Variants in PSD3 observed in about 807,000 individuals in gnomAD.
PSD3 encodes pleckstrin and Sec7 domain containing 3, also known as PH and SEC7 domain-containing protein 3.
PSD3 carries 49 observed loss-of-function variants against 105.5 expected under a neutral mutation model. The ratio of observed to expected loss-of-function variants is 0.46; its 90% CI spans 0.37 to 0.59. The LOEUF (loss-of-function observed/expected upper bound fraction) is 0.59. Ranked by LOEUF, PSD3 falls within the 20% of genes least tolerant of loss-of-function variation. PSD3 has a pLI of 0.00. For synonymous variants in PSD3, 557 were observed against 457.8 expected (o/e 1.22, Z -2.77); for missense variants, 1,561 against 1,263.8 (o/e 1.24, Z -3.57).
intron 4 of PSD3, among the ~76,000 whole-genome samples, chr8:18,818,668 T>C (rs561201079): frequency 7.3e-5 from 11 of 149,790 alleles, no homozygotes; most frequent in Non-Finnish European, 1.3e-4. Flanking sequence ...ATTTAGTGAA[T>C]AATGTCCTCT....
chr8:18,613,782 A>C (rs57616165), intron 11 of PSD3, among the ~76,000 whole-genome samples: 1 of 152,114 alleles, frequency 6.6e-6, no homozygotes, highest in Non-Finnish European at 1.5e-5. Context: ...CTTGCAAAAC[A>C]ACCCAGTACC....
At chr8:18,805,924 C>G (rs1586070554) in intron 4 of PSD3, among the ~76,000 whole-genome samples, 1 of 152,088 alleles carries the variant, frequency 6.6e-6, no homozygotes, top group African/African-American at 2.4e-5. Flanking sequence ...TTGCCAATAA[C>G]CATAGTTTGT....
At chr8:18,954,609 T>A (rs1823446589) in intron 1 of PSD3, among the ~76,000 whole-genome samples, 1 of 152,140 alleles carries the variant, frequency 6.6e-6, no homozygotes, top group Non-Finnish European at 1.5e-5. Flanking sequence ...ACACTGTCTA[T>A]CATATTCCAA....
intron 8 of PSD3, among the ~76,000 whole-genome samples, chr8:18,792,686 G>C (rs1024513859): frequency 6.6e-6 from 1 of 152,176 alleles, no homozygotes; most frequent in Non-Finnish European, 1.5e-5. Flanking sequence ...ACAGGTGCTG[G>C]AGAGGATGTG....
At chr8:18,746,737 C>T (rs1364488596) in intron 9 of PSD3, among the ~76,000 whole-genome samples, 5 of 152,128 alleles carry the variant, frequency 3.3e-5, no homozygotes, top group Non-Finnish European at 7.4e-5. Flanking sequence ...TTTTCCATTC[C>T]CTTTAGTGTA....
At chr8:18,788,410 C>T (rs536868041) in intron 8 of PSD3, among the ~76,000 whole-genome samples, 45 of 152,248 alleles carry the variant, frequency 3.0e-4, no homozygotes, top group Admixed American at 2.0e-3. Flanking sequence ...AATCTTTGAG[C>T]GTGCCATCCC....
Position 18,816,382 on chromosome 8 carries a change from T to C in PSD3, c.1635-11484A>G, listed in dbSNP as rs1013013848. The stretch of plus-strand genomic sequence containing the variant: ...CTGCCAGCAGGAGGTAAAGCTGGGA[T>C]TGGGGCTCAGCAATGGCGGCTGCAG... On this transcript the variant is annotated intron_variant, in intron 4 of 15. Transcript: ENST00000327040. 3.9e-5 allele frequency among the ~76,000 whole-genome samples: 6 copies of C among 152,176 alleles called. 1 individual carries two copies. The highest frequency in any genetic ancestry group is 3.3e-4 in the Admixed American group (5 of 15,268).
intron 1 of PSD3, among the ~76,000 whole-genome samples, chr8:18,986,197 A>G (rs1005180941): frequency 3.3e-5 from 5 of 152,218 alleles, no homozygotes; most frequent in African/African-American, 9.7e-5. Context: ...GATTAACAGT[A>G]GAGGTCCCTG....
At chr8:18,952,658 G>C (rs1174465589) in intron 1 of PSD3, among the ~76,000 whole-genome samples, 2 of 152,138 alleles carry the variant, frequency 1.3e-5, no homozygotes, top group African/African-American at 2.4e-5. Context: ...CCATTATTTA[G>C]AGCACAATAA....
At chr8:18,981,618 G>A (rs1409676510) in intron 1 of PSD3, among the ~76,000 whole-genome samples, 2 of 151,900 alleles carry the variant, frequency 1.3e-5, no homozygotes. Context: ...CAACAATACA[G>A]TGAATATCAC....
intron 4 of PSD3, among the ~76,000 whole-genome samples, chr8:18,837,574 G>C (rs1187682729): frequency 6.6e-6 from 1 of 152,124 alleles, no homozygotes; most frequent in Non-Finnish European, 1.5e-5. Context: ...AAACCATTTA[G>C]TTCTTGATGT....
chr8:18,637,875 G>A (rs1177291112), intron 10 of PSD3, among the ~76,000 whole-genome samples: 1 of 152,010 alleles, frequency 6.6e-6, no homozygotes, highest in East Asian at 1.9e-4. Context: ...ATTCAGTACT[G>A]GGCCCAGCAT....
chr8:18,671,923 G>T (rs541088976), intron 9 of PSD3, among the ~76,000 whole-genome samples: 22 of 152,232 alleles, frequency 1.4e-4, no homozygotes, highest in Non-Finnish European at 3.1e-4. Flanking sequence ...GAGCCACTGC[G>T]CCGGGCCTGA....
intron 1 of PSD3, among the ~76,000 whole-genome samples, chr8:19,006,203 G>C (rs1826672207): frequency 6.8e-6 from 1 of 147,656 alleles, no homozygotes; most frequent in African/African-American, 2.5e-5. Flanking sequence ...GGAGGGAGGA[G>C]AATCACTTGA....
chr8:18,630,399 C>T (rs966710403), intron 11 of PSD3, among the ~76,000 whole-genome samples: 7 of 151,862 alleles, frequency 4.6e-5, no homozygotes, highest in East Asian at 3.9e-4. Context: ...AGCTTCTACC[C>T]GGAGAATCCT....
intron 15 of PSD3, among the ~76,000 whole-genome samples, chr8:18,551,330 G>C (rs1039949692): frequency 3.3e-5 from 5 of 152,102 alleles, no homozygotes; most frequent in African/African-American, 7.2e-5. Flanking sequence ...TAAAATGAAA[G>C]GTTTACTATC....
chr8:19,024,844 T>C (rs1406859201), intron 1 of PSD3, among the ~76,000 whole-genome samples: 2 of 152,046 alleles, frequency 1.3e-5, no homozygotes, highest in Non-Finnish European at 2.9e-5. Flanking sequence ...GCATCCCCAG[T>C]CCCCTGTCCT....
intron 12 of PSD3, among the ~76,000 whole-genome samples, chr8:18,593,788 G>C (rs1422259388): frequency 6.6e-6 from 1 of 151,868 alleles, no homozygotes; most frequent in African/African-American, 2.4e-5. Context: ...GGAACACTAT[G>C]CAGCCCTAAA....
chr8:18,806,730 G>A (rs1811240678), intron 4 of PSD3, among the ~76,000 whole-genome samples: 1 of 152,204 alleles, frequency 6.6e-6, no homozygotes, highest in African/African-American at 2.4e-5. Flanking sequence ...ATGGATGGGA[G>A]TTTATCTGCC....
Sources: gnomAD v4.1 joint callset for allele counts (sites outside exome capture counted in the v4.1 genomes callset) on GRCh38, gnomAD v4.1.1 for gene constraint, MANE v1.5 for transcripts, NCBI Gene and HGNC (gene_info 2026-07-23, HGNC 2026-07-21) for gene names.